Variants in POU2F2 observed in about 807,000 individuals in gnomAD.
The protein encoded by POU2F2 is POU class 2 homeobox 2, also known as POU domain, class 2, transcription factor 2.
In POU2F2, 14 loss-of-function variants were observed where a neutral mutation model predicts 63.5. The observed-to-expected ratio is 0.22, with a 90% CI of 0.15 to 0.34. The LOEUF (loss-of-function observed/expected upper bound fraction) is 0.34. Among genes scored for constraint, POU2F2 ranks in the 10% least tolerant of loss-of-function variants. The pLI is 1.00. For missense variants in POU2F2, 607 were observed against 815.2 expected (o/e 0.74, Z 3.11); for synonymous variants, 306 against 348.6 (o/e 0.88, Z 1.36).
chr19:42,197,109 C>T (rs1439697354), upstream of POU2F2, among the ~76,000 whole-genome samples: 1 of 152,180 alleles, frequency 6.6e-6, no homozygotes, highest in Admixed American at 6.5e-5. Flanking sequence ...GGTAACCCCA[C>T]CTAGAGGAGA....
intron 2 of POU2F2, among the ~76,000 whole-genome samples, chr19:42,160,057 C>G (rs113310034): frequency 6.6e-6 from 1 of 152,108 alleles, no homozygotes; most frequent in African/African-American, 2.4e-5. Context: ...TCTGAGCCAC[C>G]GAGTTACCCC....
At chr19:42,197,764 G>A (rs374375864), upstream of POU2F2, among the ~76,000 whole-genome samples, 33 of 152,190 alleles carry the variant, frequency 2.2e-4, 1 homozygote, top group East Asian at 1.9e-3. Flanking sequence ...CCAGTGGGGA[G>A]CCACGTGGAG....
chr19:42,092,195 G>GCCCCGC lies in POU2F2; in HGVS notation c.1334_1339dup (p.Gly445_Gly446dup). 2 of 1,544,970 alleles carry GCCCCGC rather than the reference G, an allele frequency of 1.3e-6. No homozygotes were observed. Among genetic ancestry groups the GCCCCGC allele is most frequent in the Non-Finnish European group, 1.7e-6 (2 of 1,149,186 alleles). ...GGGGATGGAATTGAGGGGGGGCGCA[G>GCCCCGC]CCCCGCCCCCGCCCCCACCCCCTCC... On this transcript the variant is annotated inframe_insertion, in exon 13 of 15. Transcript: ENST00000692977. The surrounding 1 kb of genome is among the most constrained non-coding windows in gnomAD (Gnocchi z 5.0).
At chr19:42,091,698 T>C (rs1214039636) in intron 14 of POU2F2, 107 bp from the exon 15 acceptor site, 4 of 1,551,294 alleles carry the variant, frequency 2.6e-6, no homozygotes, top group Non-Finnish European at 3.5e-6. Flanking sequence ...TCGGTCCCAC[T>C]GACCCCCATC....
chr19:42,139,032 A>T (rs2034074834), intron 2 of POU2F2, among the ~76,000 whole-genome samples: 1 of 152,090 alleles, frequency 6.6e-6, no homozygotes, highest in Admixed American at 6.6e-5. Context: ...AAGAAGACTA[A>T]CTGGCCGGGT....
chr19:42,142,710 A>T (rs1252195414), intron 2 of POU2F2, among the ~76,000 whole-genome samples: 6 of 152,146 alleles, frequency 3.9e-5, no homozygotes, highest in Non-Finnish European at 1.5e-5. Context: ...CCAAAGGCAC[A>T]TGCTACCACA....
chr19:42,160,579 T>C (rs545367960), intron 1 of POU2F2, among the ~76,000 whole-genome samples: 2 of 152,342 alleles, frequency 1.3e-5, no homozygotes, highest in African/African-American at 4.8e-5. Context: ...TAGTCACTTC[T>C]GGCCTCTGAG....
Position 42,117,131 on chromosome 19 carries a change from C to T in POU2F2, c.369+119G>A. 1.2e-6 allele frequency: 1 copy of T among 851,382 alleles called. No individual in the cohort carries two copies. The highest frequency in any genetic ancestry group is 1.8e-6 in the Non-Finnish European group (1 of 541,678). 52.7% of individuals were successfully genotyped at this position (851,382 alleles called of 1,614,324 possible). A position where few individuals can be genotyped will look rare whatever the true frequency, so the allele number is the denominator to read the frequency against. On this transcript the variant is annotated intron_variant, in intron 5 of 14. Coordinates refer to ENST00000692977, the MANE Select transcript of POU2F2 (RefSeq NM_001394376.1). The surrounding 1 kb of genome is among the most constrained non-coding windows in gnomAD (Gnocchi z 4.4). ...AGACCTCCTAGAGGACAGAAGAGGG[C>T]AAGAGGCAGGTGTGAGAGAGTGGCC...
chr19:42,137,731 A>G (rs1411407198), intron 2 of POU2F2, among the ~76,000 whole-genome samples: 2 of 152,128 alleles, frequency 1.3e-5, no homozygotes, highest in African/African-American at 4.8e-5. Flanking sequence ...AAAAAAGTAG[A>G]AGGAGGATAC....
chr19:42,175,557 T>G (rs2034857917), intron 1 of POU2F2, among the ~76,000 whole-genome samples: 1 of 144,208 alleles, frequency 6.9e-6, no homozygotes, highest in African/African-American at 2.6e-5. Flanking sequence ...AACTAAGGGG[T>G]GGGGAGGAGG....
intron 1 of POU2F2, among the ~76,000 whole-genome samples, chr19:42,127,435 A>T (rs111482127): frequency 4.6e-5 from 7 of 151,744 alleles, no homozygotes; most frequent in African/African-American, 1.5e-4. Context: ...GCTGGAGTGC[A>T]GTGGTGGGAT....
intron 1 of POU2F2, among the ~76,000 whole-genome samples, chr19:42,164,291 CA>C (rs542411101): frequency 0.15 from 13,041 of 88,018 alleles, 664 homozygotes; most frequent in Middle Eastern, 0.37. Context: ...CATTCTGTCT[CA>C]AAAAAAAAAA....
chr19:42,138,447 C>T (rs1248787843), intron 2 of POU2F2, among the ~76,000 whole-genome samples: 1 of 152,070 alleles, frequency 6.6e-6, no homozygotes, highest in Non-Finnish European at 1.5e-5. Flanking sequence ...AGGTTGAAGA[C>T]CCCAAGGTGG....
At chr19:42,132,740 G>T, upstream of POU2F2, 1 of 342,736 alleles carries the variant, frequency 2.9e-6, no homozygotes, top group Non-Finnish European at 5.3e-6. Context: ...CTGGAACAGG[G>T]AATGGGGGTC....
chr19:42,131,455 C>T (rs925175619), intron 1 of POU2F2, among the ~76,000 whole-genome samples: 10 of 152,156 alleles, frequency 6.6e-5, no homozygotes, highest in Non-Finnish European at 1.5e-4. Context: ...ATGAAACAGG[C>T]ATGAAGGGCT....
chr19:42,158,969 T>G (rs1258957289), intron 2 of POU2F2, among the ~76,000 whole-genome samples: 1 of 152,134 alleles, frequency 6.6e-6, no homozygotes, highest in Non-Finnish European at 1.5e-5. Flanking sequence ...GAACAAACAC[T>G]CTCAGCGATA....
Position 42,103,885 on chromosome 19 carries a change from G to A in POU2F2, c.370-4064C>T, listed in dbSNP as rs187805503. 1.5e-3 allele frequency among the ~76,000 whole-genome samples: 222 copies of A among 150,678 alleles called. 1 individual carries two copies. Among genetic ancestry groups the A allele is most frequent in the African/African-American group, 5.1e-3 (207 of 40,960 alleles). On this transcript the variant is annotated intron_variant, in intron 5 of 14. Coordinates refer to ENST00000692977, the MANE Select transcript of POU2F2 (RefSeq NM_001394376.1). The stretch of plus-strand genomic sequence containing the variant: ...CCTGACCTCGTGATCCGCCTGCCTC[G>A]GCCTCCCAAAGAGCTGGGATTACAG...
chr19:42,180,684 C>T (rs916129993), upstream of POU2F2, among the ~76,000 whole-genome samples: 18 of 152,100 alleles, frequency 1.2e-4, no homozygotes, highest in African/African-American at 4.1e-4. Flanking sequence ...ATTGTGTATA[C>T]AGTGAGTATA....
chr19:42,091,440 C>A lies in POU2F2; in HGVS notation c.1692G>T (p.Pro564=). The change falls in exon 15 of 15, where the codon CCG becomes CCT. Residue 564 remains proline, a synonymous_variant. Coordinates refer to ENST00000692977, the MANE Select transcript of POU2F2 (RefSeq NM_001394376.1). ...NHAGLPLLST[P]PGVGLVSAAA... ...CTGCTGAGACCAGGCCCACACCAGG[C>A]GGGGTGCTGAGCAGGGGCAGCCCAG... The A allele has an allele frequency of 1.3e-6, 2 of 1,550,562 alleles. No homozygotes were observed. The highest frequency in any genetic ancestry group is 8.7e-7 in the Non-Finnish European group (1 of 1,146,906).
Sources: gnomAD v4.1 joint callset for allele counts (sites outside exome capture counted in the v4.1 genomes callset) on GRCh38, gnomAD v4.1.1 for gene constraint, Gnocchi (gnomAD v3.1) non-coding constraint, MANE v1.5 for transcripts, NCBI Gene and HGNC (gene_info 2026-07-23, HGNC 2026-07-21) for gene names.